The following PTPRD variants were observed in gnomAD, a reference collection of about 807,000 sequenced individuals.
PTPRD encodes the protein protein tyrosine phosphatase receptor type D.
PTPRD carries 34 observed loss-of-function variants against 214.5 expected under a neutral mutation model. The ratio of observed to expected loss-of-function variants is 0.16; its 90% CI spans 0.12 to 0.21. PTPRD has a LOEUF of 0.21. PTPRD is among the 10% of genes least tolerant of loss of function. The pLI, the probability that PTPRD is intolerant of heterozygous loss-of-function variation, is 1.00. For missense variants in PTPRD, 2,545 were observed against 2,398.7 expected, an observed-to-expected ratio of 1.06 and a Z score of -1.27; for synonymous variants, 1,128 against 845.7, an observed-to-expected ratio of 1.33 and a Z score of -5.79.
intron 35 of PTPRD, among the ~76,000 whole-genome samples, chr9:8,405,929 A>T (rs2092930770): frequency 6.6e-6 from 1 of 151,976 alleles, no homozygotes; most frequent in African/African-American, 2.4e-5. Context: ...CAACAGTAAA[A>T]CTCACAAGTG....
At chr9:9,294,357 G>A (rs969138191) in intron 9 of PTPRD, among the ~76,000 whole-genome samples, 5 of 151,604 alleles carry the variant, frequency 3.3e-5, no homozygotes, top group African/African-American at 1.2e-4. Context: ...ATAAATATCT[G>A]TATTAGGCTA....
chr9:9,671,498 C>A (rs2096831840), intron 7 of PTPRD, among the ~76,000 whole-genome samples: 1 of 151,922 alleles, frequency 6.6e-6, no homozygotes, highest in Admixed American at 6.6e-5. Flanking sequence ...AATGTGAGGA[C>A]TGAGATTTGG....
intron 11 of PTPRD, among the ~76,000 whole-genome samples, chr9:8,748,973 C>T (rs188833167): frequency 6.6e-6 from 1 of 151,906 alleles, no homozygotes; most frequent in Non-Finnish European, 1.5e-5. Context: ...CTCCATCACA[C>T]AAATTTAGTG....
At chr9:9,901,383 C>G (rs2076357732) in intron 5 of PTPRD, among the ~76,000 whole-genome samples, 1 of 152,048 alleles carries the variant, frequency 6.6e-6, no homozygotes, top group Admixed American at 6.6e-5. Context: ...GATAAGTTGT[C>G]ATAACTATGG....
In PTPRD at chr9:8,408,251, G is replaced by A. The variant is rs139786051; in HGVS notation, c.4087-3591C>T. Among the ~76,000 whole-genome samples the A allele has an allele frequency of 1.7e-3, 255 of 152,268 alleles. 1 individual carries two copies. The highest frequency in any genetic ancestry group is 5.9e-3 in the African/African-American group (246 of 41,550). ...ATCTTTTTTACTATAAAGCTAAGCT[G>A]AGGTTACCCAAATATTAATTATTCA... is the stretch of plus-strand genomic sequence containing the variant. On this transcript the variant is annotated intron_variant, in intron 35 of 45. Coordinates refer to ENST00000381196, the MANE Select transcript of PTPRD (RefSeq NM_002839.4).
chr9:10,118,790 C>G (rs1253338975), intron 3 of PTPRD, among the ~76,000 whole-genome samples: 2 of 151,142 alleles, frequency 1.3e-5, no homozygotes, highest in South Asian at 2.1e-4. Context: ...ATGTTGAGTT[C>G]TAGGCACAAT....
intron 39 of PTPRD, among the ~76,000 whole-genome samples, chr9:8,371,444 C>A (rs567580241): frequency 2.0e-5 from 3 of 151,974 alleles, no homozygotes; most frequent in Non-Finnish European, 4.4e-5. Context: ...GTATGATCTG[C>A]ACACATATAG....
At chr9:8,377,687 T>C (rs950542527) in intron 37 of PTPRD, among the ~76,000 whole-genome samples, 1 of 152,066 alleles carries the variant, frequency 6.6e-6, no homozygotes, top group Non-Finnish European at 1.5e-5. Context: ...AGCAGTATTT[T>C]ACAATAGGGA....
chr9:8,757,088 G>A (rs1458668025), intron 11 of PTPRD, among the ~76,000 whole-genome samples: 1 of 152,190 alleles, frequency 6.6e-6, no homozygotes, highest in Admixed American at 6.5e-5. Flanking sequence ...GTTGCAACAA[G>A]CCAAGATCGT....
chr9:9,802,999 A>G (rs2099051236), intron 5 of PTPRD, among the ~76,000 whole-genome samples: 1 of 152,078 alleles, frequency 6.6e-6, no homozygotes, highest in Non-Finnish European at 1.5e-5. Context: ...ATTTACTTGG[A>G]AAACCTAGTT....
intron 10 of PTPRD, among the ~76,000 whole-genome samples, chr9:9,098,781 T>C (rs971712829): frequency 6.6e-6 from 1 of 152,198 alleles, no homozygotes; most frequent in Non-Finnish European, 1.5e-5. Context: ...GTAAAATTCA[T>C]CATTTGTATG....
intron 5 of PTPRD, among the ~76,000 whole-genome samples, chr9:9,867,722 T>C (rs974445137): frequency 6.6e-6 from 1 of 152,142 alleles, no homozygotes; most frequent in African/African-American, 2.4e-5. Flanking sequence ...AACCTATTGT[T>C]TTCTCTTAGG....
chr9:9,151,694 T>C (rs2154488515), intron 10 of PTPRD, among the ~76,000 whole-genome samples: 1 of 152,302 alleles, frequency 6.6e-6, no homozygotes, highest in Middle Eastern at 3.4e-3. Flanking sequence ...CTCCGGTTGT[T>C]GATGAGACAG....
intron 5 of PTPRD, chr9:9,803,637 TG>T (rs2099055391): frequency 6.6e-6 from 1 of 151,986 alleles, no homozygotes; most frequent in African/African-American, 2.4e-5. Context: ...CTAGGATCTC[TG>T]CCTGGTATAC....
At chr9:9,140,624 G>A (rs560889457) in intron 10 of PTPRD, among the ~76,000 whole-genome samples, 1 of 152,318 alleles carries the variant, frequency 6.6e-6, no homozygotes, top group Non-Finnish European at 1.5e-5. Context: ...TGTCGCCCAG[G>A]CTGGAGTGCA....
intron 9 of PTPRD, among the ~76,000 whole-genome samples, chr9:9,312,699 G>T (rs1959616719): frequency 6.6e-6 from 1 of 152,208 alleles, no homozygotes; most frequent in Non-Finnish European, 1.5e-5. Flanking sequence ...GATAGGCTCT[G>T]GCCAACCTCT....
chr9:9,994,030 G>A (rs1281625947), intron 4 of PTPRD, among the ~76,000 whole-genome samples: 9 of 151,982 alleles, frequency 5.9e-5, no homozygotes, highest in Non-Finnish European at 1.3e-4. Context: ...TTTTGAGTGG[G>A]GGACAATTTA....
At chr9:8,386,420 C>T (rs959066467) in intron 37 of PTPRD, among the ~76,000 whole-genome samples, 5 of 152,178 alleles carry the variant, frequency 3.3e-5, no homozygotes, top group Non-Finnish European at 7.3e-5. Context: ...ATTTACAAGA[C>T]GCACACATAT....
At chr9:10,035,709 C>T (rs945753930) in intron 3 of PTPRD, among the ~76,000 whole-genome samples, 17 of 152,060 alleles carry the variant, frequency 1.1e-4, no homozygotes, top group Admixed American at 9.2e-4. Flanking sequence ...ACCAATCTTA[C>T]AGTCCATTTC....
Sources: gnomAD v4.1 joint callset for allele counts (sites outside exome capture counted in the v4.1 genomes callset) on GRCh38, gnomAD v4.1.1 for gene constraint, MANE v1.5 for transcripts, NCBI Gene and HGNC (gene_info 2026-07-23, HGNC 2026-07-21) for gene names.